The following SRP19 variants were observed in gnomAD, a reference collection of about 807,000 sequenced individuals.
The protein encoded by SRP19 is signal recognition particle 19 kDa protein.
Under a neutral mutation model 22.4 loss-of-function variants are expected in SRP19, and 11 were observed. That is an observed-to-expected ratio of 0.49 (90% CI 0.31 to 0.81). SRP19 has a LOEUF of 0.81. SRP19 is among the 40% of genes least tolerant of loss of function. The probability of loss-of-function intolerance (pLI) is 0.05; values close to 1 mark genes in which losing one functional copy is unlikely to be tolerated. For synonymous variants in SRP19, 61 were observed against 57.6 expected (o/e 1.06, Z -0.27); for missense variants, 168 against 175.9 (o/e 0.96, Z 0.25).
In SRP19 at chr5:112,861,437, G is replaced by A; in HGVS notation, c.41+20G>A. On this transcript the variant is annotated intron_variant, in intron 1 of 4. Transcript: ENST00000505459. ...GGACAGGTGGGTTCTGAGGCGGTGGGTCCTCCGAAAGGAAGGGGCTTGCTG... is the reference window on the plus strand; with the variant it reads ...GGACAGGTGGGTTCTGAGGCGGTGGATCCTCCGAAAGGAAGGGGCTTGCTG... 1 of 1,610,620 alleles carries A rather than the reference G, an allele frequency of 6.2e-7. No homozygotes were observed. The highest frequency in any genetic ancestry group is 2.2e-5 in the East Asian group (1 of 44,774).
exon 5 of SRP19, chr5:112,892,261 A>T: frequency 6.2e-7 from 1 of 1,614,138 alleles, no homozygotes; most frequent in Non-Finnish European, 8.5e-7. Context: ...CCTTCTTATT[A>T]AGAGCATGTT....
chr5:112,879,332 G>T (rs1415729957), intron 4 of SRP19, among the ~76,000 whole-genome samples: 8 of 151,146 alleles, frequency 5.3e-5, no homozygotes, highest in Non-Finnish European at 1.2e-4. Flanking sequence ...GTTTGGGGGG[G>T]GGGGCTGGGG....
downstream of SRP19, among the ~76,000 whole-genome samples, chr5:112,872,526 G>A (rs746166605): frequency 4.6e-5 from 7 of 151,818 alleles, no homozygotes; most frequent in Non-Finnish European, 8.8e-5. Flanking sequence ...ATGGGGTTTC[G>A]CTGTGTTGGC....
At chr5:112,887,707 A>G (rs1452867988) in intron 4 of SRP19, among the ~76,000 whole-genome samples, 1 of 152,150 alleles carries the variant, frequency 6.6e-6, no homozygotes, top group Non-Finnish European at 1.5e-5. Flanking sequence ...CCTTCAAGGA[A>G]TCTTTACAGT....
chr5:112,881,750 C>T (rs1013017850), intron 4 of SRP19, among the ~76,000 whole-genome samples: 1 of 151,970 alleles, frequency 6.6e-6, no homozygotes. Flanking sequence ...CTTAATGTTC[C>T]TTTCTAACAC....
chr5:112,893,447 C>T (rs1229358486), downstream of SRP19: 1 of 174,364 alleles, frequency 5.7e-6, no homozygotes, highest in Non-Finnish European at 1.2e-5. Flanking sequence ...ACTACACAGC[C>T]TGCTTTCCAT....
At chr5:112,887,175 G>A in intron 4 of SRP19, 1 of 1,596,842 alleles carries the variant, frequency 6.3e-7, no homozygotes, top group Non-Finnish European at 8.6e-7. Flanking sequence ...ACCACAACAG[G>A]AAGCCACACT....
chr5:112,886,097 T>C (rs1768234044), intron 4 of SRP19, among the ~76,000 whole-genome samples: 1 of 152,238 alleles, frequency 6.6e-6, no homozygotes, highest in Non-Finnish European at 1.5e-5. Flanking sequence ...AGCTGGTTAG[T>C]GTCTAAGGAG....
downstream of SRP19, among the ~76,000 whole-genome samples, chr5:112,872,599 G>A (rs988026096): frequency 1.3e-5 from 2 of 152,146 alleles, no homozygotes; most frequent in Non-Finnish European, 2.9e-5. Flanking sequence ...AAAGTGCTGG[G>A]ATTAGGTGTG....
chr5:112,898,365 A>G (rs929928061), exon 4 of SRP19: 1 of 152,236 alleles, frequency 6.6e-6, no homozygotes, highest in Non-Finnish European at 1.5e-5. Context: ...CACTTTCATG[A>G]ACACTATGAT....
rs1767652252 is a variant in SRP19 at position 112,867,679 on chromosome 5, G to A, written c.*142G>A. On this transcript the variant is annotated 3_prime_UTR_variant, in exon 5 of 5. Coordinates refer to ENST00000505459, the MANE Select transcript of SRP19 (RefSeq NM_003135.3). ...CCTTGTGCCTCTCATCTTTATCATC[G>A]GAGTTGACAGTGAAACAAATTTACA... is the stretch of plus-strand genomic sequence containing the variant. 15 of 1,356,762 alleles carry A rather than the reference G, an allele frequency of 1.1e-5. No individual in the cohort carries two copies. The highest frequency in any genetic ancestry group is 3.3e-5 in the Admixed American group (1 of 30,676). The allele number at this position is 1,356,762 out of a possible 1,614,324, so 84.0% of individuals were successfully genotyped here. A position where few individuals can be genotyped will look rare whatever the true frequency, so the allele number is the denominator to read the frequency against.
chr5:112,892,238 C>A (rs1444741251), exon 5 of SRP19: 1 of 1,614,012 alleles, frequency 6.2e-7, no homozygotes, highest in African/African-American at 1.3e-5. Flanking sequence ...AATTTCCCAA[C>A]ATCTAGTCCT....
chr5:112,886,176 C>T (rs565708874), intron 4 of SRP19, among the ~76,000 whole-genome samples: 3 of 152,320 alleles, frequency 2.0e-5, no homozygotes, highest in South Asian at 4.1e-4. Context: ...AGCCTGCCTG[C>T]GCTTCATTCA....
intron 2 of SRP19, 88 bp downstream of exon 2, chr5:112,862,671 G>C: frequency 7.8e-6 from 9 of 1,150,184 alleles, no homozygotes; most frequent in Non-Finnish European, 1.0e-5. Context: ...AGCCGCAGGG[G>C]GTTCTCTTCA....
chr5:112,878,646 T>G, intron 4 of SRP19: 1 of 1,250,424 alleles, frequency 8.0e-7, no homozygotes, highest in Admixed American at 2.7e-5. Flanking sequence ...CAAAGAAACT[T>G]ACAACACATT....
Position 112,867,798 on chromosome 5 carries a change from G to GGACT in SRP19, c.*263_*266dup. On this transcript the variant is annotated 3_prime_UTR_variant, in exon 5 of 5. Transcript: ENST00000505459. The stretch of plus-strand genomic sequence containing the variant: ...AAGAAAATATTTTTAAATGGACAAT[G>GGACT]GACTGTACAATAAGTTACTTGAAAT... 8.6e-7 allele frequency: 1 copy of GGACT among 1,162,038 alleles called. No individual in the cohort carries two copies. The allele number at this position is 1,162,038 out of a possible 1,614,324, so 72.0% of individuals were successfully genotyped here.
At chr5:112,887,417 A>T (rs1000948532) in intron 4 of SRP19, among the ~76,000 whole-genome samples, 1 of 152,242 alleles carries the variant, frequency 6.6e-6, no homozygotes, top group East Asian at 1.9e-4. Flanking sequence ...AAAACACACC[A>T]GGTCCAGGAG....
intron 4 of SRP19, among the ~76,000 whole-genome samples, chr5:112,884,387 ATTT>A (rs1328520628): frequency 7.7e-6 from 1 of 129,976 alleles, no homozygotes; most frequent in Admixed American, 7.7e-5. Context: ...ACCATTTTCT[ATTT>A]TTTTTTTTTT....
rs1767529061 is a variant in SRP19 at position 112,864,626 on chromosome 5, T to C, written c.195T>C (p.Asn65=). 8 of 1,613,806 alleles carry C rather than the reference T, an allele frequency of 5.0e-6. No homozygotes were observed. The highest frequency in any genetic ancestry group is 6.8e-6 in the Non-Finnish European group (8 of 1,179,846). The change falls in exon 4 of 5, where the codon AAT becomes AAC. Residue 65 remains asparagine (N), a synonymous_variant. Coordinates refer to ENST00000505459, the MANE Select transcript of SRP19 (RefSeq NM_003135.3). Reference sequence around the variant, plus strand: ...TTTTGTTTCGTTTATGTTAGAAAAATAAAATGTACTCTAGAGAATGGAATC... The same window carrying C: ...TTTTGTTTCGTTTATGTTAGAAAAACAAAATGTACTCTAGAGAATGGAATC... ...AVGLNVFLEK[N]KMYSREWNRD...
Sources: gnomAD v4.1 joint callset for allele counts (sites outside exome capture counted in the v4.1 genomes callset) on GRCh38, gnomAD v4.1.1 for gene constraint, MANE v1.5 for transcripts, NCBI Gene and HGNC (gene_info 2026-07-23, HGNC 2026-07-21) for gene names.